DNAH6: variants seen among roughly 807,000 people sequenced by gnomAD.
DNAH6 encodes the protein axonemal beta dynein heavy chain 6.
In DNAH6, 340 loss-of-function variants were observed where a neutral mutation model predicts 491.4. That is an observed-to-expected ratio of 0.69 (90% CI 0.63 to 0.76). DNAH6 has a LOEUF of 0.76. Ranked by LOEUF, DNAH6 falls within the 30% of genes least tolerant of loss-of-function variation. DNAH6 has a pLI of 0.00. For synonymous variants in DNAH6, 1,603 were observed against 1,686.1 expected (o/e 0.95, Z 1.21); for missense variants, 4,443 against 4,972.2 (o/e 0.89, Z 3.20).
the DNAH6 span, chr2:84,460,095 A>G: frequency 1.3e-5 from 2 of 152,226 alleles, no homozygotes; most frequent in African/African-American, 4.8e-5. Flanking sequence ...AAGGTAAACA[A>G]GAGATGAAGT....
intron 29 of DNAH6, among the ~76,000 whole-genome samples, chr2:84,633,952 T>C (rs1310713299): frequency 1.3e-5 from 2 of 152,200 alleles, no homozygotes; most frequent in Non-Finnish European, 2.9e-5. Context: ...TATACATGCT[T>C]AACCAATATC....
intron 45 of DNAH6, among the ~76,000 whole-genome samples, chr2:84,690,515 T>TA (rs1694743460): frequency 6.6e-6 from 1 of 152,226 alleles, no homozygotes; most frequent in Non-Finnish European, 1.5e-5. Flanking sequence ...TCCTGGAGAA[T>TA]AGACCAGACC....
the DNAH6 span, among the ~76,000 whole-genome samples, chr2:84,492,430 T>C: frequency 2.0e-3 from 307 of 152,346 alleles, 1 homozygote; most frequent in African/African-American, 6.9e-3. Flanking sequence ...CAGACCTGTG[T>C]GGTGCCACAA....
chr2:84,779,446 A>C (rs137948506), intron 64 of DNAH6, among the ~76,000 whole-genome samples: 1 of 152,308 alleles, frequency 6.6e-6, no homozygotes, highest in East Asian at 1.9e-4. Context: ...TTTCTACAAT[A>C]TAAGAATAGT....
intron 18 of DNAH6, among the ~76,000 whole-genome samples, chr2:84,600,780 A>C (rs1685132829): frequency 6.6e-6 from 1 of 151,824 alleles, no homozygotes; most frequent in Non-Finnish European, 1.5e-5. Flanking sequence ...TCTTAACTGT[A>C]CAGTTACTAC....
intron 38 of DNAH6, among the ~76,000 whole-genome samples, 184 bp downstream of exon 38, chr2:84,669,694 T>C (rs147805741): frequency 6.6e-6 from 1 of 152,328 alleles, no homozygotes; most frequent in Non-Finnish European, 1.5e-5. Flanking sequence ...GTTTGCCAGT[T>C]TCTGAACACA....
intron 45 of DNAH6, among the ~76,000 whole-genome samples, chr2:84,693,326 T>C (rs139687420): frequency 2.0e-5 from 3 of 152,302 alleles, no homozygotes; most frequent in East Asian, 1.9e-4. Context: ...GTGAGACTTA[T>C]CACCTTCCAC....
At chr2:84,670,732 C>T (rs1692658311) in intron 39 of DNAH6, among the ~76,000 whole-genome samples, 1 of 152,210 alleles carries the variant, frequency 6.6e-6, no homozygotes, top group Non-Finnish European at 1.5e-5. Flanking sequence ...CTCTCTCCAC[C>T]CAGGTTCTTC....
upstream of DNAH6, among the ~76,000 whole-genome samples, chr2:84,514,979 A>G (rs989721268): frequency 2.4e-4 from 37 of 152,076 alleles, no homozygotes; most frequent in African/African-American, 8.7e-4. Flanking sequence ...AAGGGAGTCT[A>G]GGATTGAGGA....
At chr2:84,755,145 G>C (rs574390126) in intron 63 of DNAH6, among the ~76,000 whole-genome samples, 2 of 152,292 alleles carry the variant, frequency 1.3e-5, no homozygotes, top group African/African-American at 4.8e-5. Context: ...GTGTTAAGCA[G>C]TGATTAGATC....
chr2:84,745,317 G>T (rs1672859698), intron 63 of DNAH6, 68 bp downstream of exon 63: 1 of 1,176,456 alleles, frequency 8.5e-7, no homozygotes, highest in East Asian at 2.9e-5. Context: ...AGCCAGTTAT[G>T]ATTTATAAAT....
chr2:84,493,450 T>A, the DNAH6 span, among the ~76,000 whole-genome samples: 2 of 152,228 alleles, frequency 1.3e-5, no homozygotes, highest in Non-Finnish European at 2.9e-5. Context: ...TATTTAAATG[T>A]AGCTTCCATT....
intron 21 of DNAH6, among the ~76,000 whole-genome samples, chr2:84,608,934 G>T (rs779046317): frequency 6.6e-6 from 1 of 152,126 alleles, no homozygotes; most frequent in African/African-American, 2.4e-5. Context: ...AATGATCTTA[G>T]CTAAATCATC....
intron 4 of DNAH6, among the ~76,000 whole-genome samples, chr2:84,537,691 T>G (rs1164252792): frequency 6.6e-6 from 1 of 152,084 alleles, no homozygotes; most frequent in East Asian, 1.9e-4. Context: ...TTTTTCAGGT[T>G]GGTATAAAAG....
rs1258579359 is a variant in DNAH6 at position 84,677,141 on chromosome 2, G to T, written c.6744+5G>T. ...AGTCTGAAACAGATTTTTCAGGTGA[G>T]TGTCGATTTTAACTTAGGCAACAGG... On this transcript the variant is annotated splice_donor_5th_base_variant and intron_variant, in intron 41 of 76. Transcript: ENST00000389394. 3 of 1,551,498 alleles carry T rather than the reference G, an allele frequency of 1.9e-6. No homozygotes were observed. In the Admixed American group the frequency reaches 5.9e-5, roughly 30 times the overall value.
Position 84,548,270 on chromosome 2 carries a change from TCC to T in DNAH6, c.1187-17_1187-16del. The T allele has an allele frequency of 6.3e-7, 1 of 1,598,850 alleles. No individual in the cohort carries two copies. Among genetic ancestry groups the T allele is most frequent in the Non-Finnish European group, 8.5e-7 (1 of 1,173,712 alleles). On this transcript the variant is annotated splice_polypyrimidine_tract_variant and intron_variant, in intron 7 of 76. Coordinates refer to ENST00000389394, the MANE Select transcript of DNAH6 (RefSeq NM_001370.2). ...TTTACACAAGTACACTTGTTGTTGTTCCTTCTGTTATTCTTAGATTATCATAA... is the reference window on the plus strand; with the variant it reads ...TTTACACAAGTACACTTGTTGTTGTTTTCTGTTATTCTTAGATTATCATAA...
upstream of DNAH6, among the ~76,000 whole-genome samples, chr2:84,511,830 T>C (rs926265341): frequency 3.3e-5 from 5 of 152,234 alleles, no homozygotes. Flanking sequence ...ATTTATGATT[T>C]TTTTATGTTG....
rs1466223583 is a variant in DNAH6, at chr2:84,762,924, G to A, written c.10682G>A (p.Arg3561Lys). 1 of 1,551,264 alleles carries A rather than the reference G, an allele frequency of 6.4e-7. No individual in the cohort carries two copies. ...ATGGGTGCATTTCAGAGGTTTGCCA[G>A]GGAAAGTGGATATTCAGAACGGTAA... ...DPMGAFQRFA[R>K]ESGYSERVQS... Residue 3561 changes from arginine (R) to lysine (K), a missense_variant, in exon 64 of 77, where the codon AGG becomes AAG. Transcript: ENST00000389394.
intron 66 of DNAH6, among the ~76,000 whole-genome samples, chr2:84,785,399 A>G (rs1376309008): frequency 1.2e-4 from 18 of 152,242 alleles, no homozygotes; most frequent in Non-Finnish European, 2.5e-4. Context: ...CAACCACTGT[A>G]GGTCTGAGAA....
Sources: gnomAD v4.1 joint callset for allele counts (sites outside exome capture counted in the v4.1 genomes callset) on GRCh38, gnomAD v4.1.1 for gene constraint, MANE v1.5 for transcripts, NCBI Gene and HGNC (gene_info 2026-07-23, HGNC 2026-07-21) for gene names.